Variants in CDKN2B-AS1 observed in about 807,000 individuals in gnomAD.
The protein encoded by CDKN2B-AS1 is CDKN2B and CDKN2A antisense cis and trans regulatory RNA 1, also known as CDKN2B antisense RNA 1 (non-protein coding).
chr9:22,049,164 A>G (rs1823232513), exon 3 of CDKN2B-AS1: 2 of 152,160 alleles, frequency 1.3e-5, no homozygotes, highest in Non-Finnish European at 2.9e-5. Context: ...ACTGCTTTCT[A>G]GAAGAAAACC....
intron 4 of CDKN2B-AS1, among the ~76,000 whole-genome samples, chr9:22,114,921 A>G (rs1364952150): frequency 2.0e-5 from 3 of 152,202 alleles, no homozygotes; most frequent in African/African-American, 7.2e-5. Context: ...ATCATACTTT[A>G]TTTTAAAATA....
At chr9:22,070,420 T>C (rs894794758) in intron 4 of CDKN2B-AS1, among the ~76,000 whole-genome samples, 6 of 152,190 alleles carry the variant, frequency 3.9e-5, no homozygotes, top group African/African-American at 1.4e-4. Flanking sequence ...AAACAATGAA[T>C]ATAAAGTGAC....
intron 4 of CDKN2B-AS1, among the ~76,000 whole-genome samples, chr9:22,098,440 A>T (rs1434324142): frequency 6.6e-6 from 1 of 151,184 alleles, no homozygotes; most frequent in African/African-American, 2.4e-5. Context: ...TTTTATCACC[A>T]TGCTTTCTGA....
intron 4 of CDKN2B-AS1, among the ~76,000 whole-genome samples, chr9:22,094,484 T>C (rs1442181986): frequency 2.1e-5 from 3 of 144,698 alleles, no homozygotes; most frequent in Admixed American, 2.0e-4. Context: ...TCTTTTCACA[T>C]AGTCCCATAT....
rs10757275 is a variant in CDKN2B-AS1 at position 22,106,226 on chromosome 9, G to T, written n.439-20877G>T. Among the ~76,000 whole-genome samples the T allele has an allele frequency of 4.6e-5, 7 of 152,048 alleles. No individual in the cohort carries two copies. The Middle Eastern group carries it at 0.01, about 222-fold the overall frequency. On this transcript the variant is annotated intron_variant and non_coding_transcript_variant, in intron 4 of 4. Coordinates refer to ENST00000650946, the Ensembl canonical transcript of CDKN2B-AS1. ...GCCTCCTGAGTAGCTGGGAGTACAG[G>T]CACACGCCACCATGCCAGGTTAATT...
Position 22,005,986 on chromosome 9 carries a change from G to A in CDKN2B-AS1, n.29+10825G>A, listed in dbSNP as rs1236243916. The A allele has an allele frequency of 1.9e-6, 3 of 1,601,448 alleles. No homozygotes were observed. Among genetic ancestry groups the A allele is most frequent in the Non-Finnish European group, 2.5e-6 (3 of 1,179,788 alleles). ...GTTGTGGGCGGCTGGGGAACCTGGC[G>A]TCAGTCCCCCGTGGCTGTGCGCAGG... On this transcript the variant is annotated intron_variant and non_coding_transcript_variant, in intron 1 of 4. Coordinates refer to ENST00000650946, the Ensembl canonical transcript of CDKN2B-AS1. This position sits in a 1 kb window ranked among gnomAD's most constrained non-coding sequence, Gnocchi z 4.9.
At chr9:22,054,559 CTG>C (rs1823477857) in intron 3 of CDKN2B-AS1, among the ~76,000 whole-genome samples, 1 of 151,836 alleles carries the variant, frequency 6.6e-6, no homozygotes, top group Non-Finnish European at 1.5e-5. Context: ...AGTGAGAAAA[CTG>C]AGGCTCAAAA....
intron 4 of CDKN2B-AS1, among the ~76,000 whole-genome samples, chr9:22,071,055 C>T (rs750480152): frequency 2.0e-5 from 3 of 151,940 alleles, no homozygotes; most frequent in Non-Finnish European, 2.9e-5. Context: ...ACATCTGAAA[C>T]GTCTATTTCT....
intron 1 of CDKN2B-AS1, among the ~76,000 whole-genome samples, chr9:22,041,926 G>C (rs1822912527): frequency 6.6e-6 from 1 of 151,958 alleles, no homozygotes; most frequent in African/African-American, 2.4e-5. Context: ...TGTGTAATTG[G>C]CCAAATTCCA....
intron 1 of CDKN2B-AS1, among the ~76,000 whole-genome samples, chr9:22,017,537 T>C (rs1821825672): frequency 6.6e-6 from 1 of 152,216 alleles, no homozygotes; most frequent in Non-Finnish European, 1.5e-5. Context: ...AGTTTTGTCC[T>C]ATCATTGAAA....
In CDKN2B-AS1 at chr9:22,072,731, C is replaced by T. The variant is rs17761197; in HGVS notation, n.438+16344C>T. Among the ~76,000 whole-genome samples the T allele has an allele frequency of 0.016, 2,489 of 152,294 alleles. 108 individuals are homozygous for T. In the East Asian group the frequency reaches 0.17, roughly 11 times the overall value. ...ATGCTAGGAGCACAAGGCAGCCTAACTTGTGAGTTGATGTACAGTGTGAAG... is the reference window on the plus strand; with the variant it reads ...ATGCTAGGAGCACAAGGCAGCCTAATTTGTGAGTTGATGTACAGTGTGAAG... On this transcript the variant is annotated intron_variant and non_coding_transcript_variant, in intron 4 of 4. Coordinates refer to ENST00000650946, the Ensembl canonical transcript of CDKN2B-AS1.
chr9:22,045,319 T>C (rs1823064113), intron 1 of CDKN2B-AS1, among the ~76,000 whole-genome samples: 1 of 152,036 alleles, frequency 6.6e-6, no homozygotes, highest in African/African-American at 2.4e-5. Flanking sequence ...TTGAATTTGC[T>C]TAGATTTAGT....
intron 4 of CDKN2B-AS1, among the ~76,000 whole-genome samples, chr9:22,086,014 G>T (rs1252057129): frequency 1.3e-5 from 2 of 151,796 alleles, no homozygotes; most frequent in South Asian, 2.1e-4. Context: ...TGAACCTTGG[G>T]GGTCAGAAGA....
chr9:22,009,096 C>T, intron 1 of CDKN2B-AS1: 1 of 1,282,496 alleles, frequency 7.8e-7, no homozygotes, highest in Middle Eastern at 2.6e-4. Context: ...ACCCTCCCGT[C>T]GTCCTTCTGC....
chr9:22,114,468 G>A (rs576270873), intron 4 of CDKN2B-AS1, among the ~76,000 whole-genome samples: 3 of 152,182 alleles, frequency 2.0e-5, no homozygotes, highest in African/African-American at 7.2e-5. Flanking sequence ...TGGGCAGACT[G>A]TGTGGCTACT....
At chr9:22,003,974 C>A (rs981466941) in intron 1 of CDKN2B-AS1, 9 of 232,608 alleles carry the variant, frequency 3.9e-5, no homozygotes, top group Admixed American at 1.7e-4. Context: ...CCATAATCAG[C>A]TGTGGAACTA....
chr9:22,001,965 A>G lies in CDKN2B-AS1; in HGVS notation n.29+6804A>G, dbSNP rs1820937866. Among the ~76,000 whole-genome samples, 1 of 152,066 alleles carries G rather than the reference A, an allele frequency of 6.6e-6. No individual in the cohort carries two copies. The highest frequency in any genetic ancestry group is 2.4e-5 in the African/African-American group (1 of 41,430). ...TTATAAGTAGAATAGGAAAATATTG[A>G]AAGTATTGAGGCTCAACTGTTGTTG... On this transcript the variant is annotated intron_variant and non_coding_transcript_variant, in intron 1 of 4. Coordinates refer to ENST00000650946, the Ensembl canonical transcript of CDKN2B-AS1. This position sits in a 1 kb window ranked among gnomAD's most constrained non-coding sequence, Gnocchi z 4.2.
chr9:22,119,733 C>A (rs1338788660), intron 4 of CDKN2B-AS1: 1 of 152,168 alleles, frequency 6.6e-6, no homozygotes, highest in Non-Finnish European at 1.5e-5. Context: ...TGATGAGTGC[C>A]AGTCTGGGTC....
intron 2 of CDKN2B-AS1, among the ~76,000 whole-genome samples, chr9:22,047,427 G>C (rs1823153016): frequency 6.6e-6 from 1 of 152,142 alleles, no homozygotes; most frequent in African/African-American, 2.4e-5. Flanking sequence ...CATTAAAGAG[G>C]CACCCTTTCA....
Sources: gnomAD v4.1 joint callset for allele counts (sites outside exome capture counted in the v4.1 genomes callset) on GRCh38, gnomAD v4.1.1 for gene constraint, Gnocchi (gnomAD v3.1) non-coding constraint, MANE v1.5 for transcripts, NCBI Gene and HGNC (gene_info 2026-07-23, HGNC 2026-07-21) for gene names.